The following NEK10 variants were observed in gnomAD, a reference collection of about 807,000 sequenced individuals.
The protein encoded by NEK10 is serine/threonine-protein kinase Nek10.
In NEK10, 122 loss-of-function variants were observed where a neutral mutation model predicts 159.8. The observed-to-expected ratio is 0.76, with a 90% CI of 0.66 to 0.89. NEK10 has a LOEUF of 0.89. Ranked by LOEUF, NEK10 falls within the 40% of genes least tolerant of loss-of-function variation. NEK10 has a pLI of 0.00. For synonymous variants in NEK10, 466 were observed against 457.1 expected (o/e 1.02, Z -0.25); for missense variants, 1,342 against 1,323.1 (o/e 1.01, Z -0.22).
rs1939292919 is a variant in NEK10 at position 27,109,365 on chromosome 3, TGA to T, written c.*1905_*1906del. ...TTGCACTCAAGCCTGGGCAACAGAG[TGA>T]GACTCTGTCTTAAAAAAAAAAAAAA... On this transcript the variant is annotated 3_prime_UTR_variant, in exon 36 of 36. Transcript: ENST00000691995. 7.8e-6 allele frequency among the ~76,000 whole-genome samples: 1 copy of T among 127,842 alleles called. No individual in the cohort carries two copies. The highest frequency in any genetic ancestry group is 3.0e-5 in the African/African-American group (1 of 33,792). The allele number at this position is 127,842 out of a possible 152,430, so 83.9% of individuals were successfully genotyped here. A position where few individuals can be genotyped will look rare whatever the true frequency, so the allele number is the denominator to read the frequency against.
intron 5 of NEK10, among the ~76,000 whole-genome samples, chr3:27,339,964 T>A (rs2047086373): frequency 6.6e-6 from 1 of 152,130 alleles, no homozygotes; most frequent in African/African-American, 2.4e-5. Context: ...TCCTCAAGGA[T>A]CTAGAACCAG....
intron 30 of NEK10, among the ~76,000 whole-genome samples, chr3:27,148,925 C>A (rs6797739): frequency 6.6e-6 from 1 of 151,814 alleles, no homozygotes; most frequent in Non-Finnish European, 1.5e-5. Flanking sequence ...AAACACATTA[C>A]CCTAAAATGA....
At position 27,342,099 on chromosome 3, in the gene NEK10, G is replaced by T. The variant is rs114737882; in HGVS notation, c.362+2173C>A. 3.7e-3 allele frequency among the ~76,000 whole-genome samples: 563 copies of T among 152,206 alleles called. 4 individuals are homozygous for T. Among genetic ancestry groups the T allele is most frequent in the African/African-American group, 0.013 (533 of 41,528 alleles). ...GTCCCCAGGGAGAAGAGGACCACAT[G>T]TCCTGTTAATTTTTTTAATTTCACC... On this transcript the variant is annotated intron_variant, in intron 5 of 35. Coordinates refer to ENST00000691995, the MANE Select transcript of NEK10 (RefSeq NM_001394966.1).
At position 27,138,943 on chromosome 3, in the gene NEK10, T is replaced by C. The variant is rs540362320; in HGVS notation, c.2970+2539A>G. Among the ~76,000 whole-genome samples the C allele has an allele frequency of 5.3e-5, 8 of 152,288 alleles. No individual in the cohort carries two copies. The South Asian group carries it at 8.3e-4, about 16-fold the overall frequency. On this transcript the variant is annotated intron_variant, in intron 31 of 35. Transcript: ENST00000691995. ...CACAGAATGGGTTCTTTTGAATGCA[T>C]TGGAGCACTTACAGAAAGAAAATGA...
At chr3:27,316,253 G>A (rs1280557810) in intron 6 of NEK10, among the ~76,000 whole-genome samples, 2 of 152,186 alleles carry the variant, frequency 1.3e-5, no homozygotes, top group Admixed American at 6.5e-5. Flanking sequence ...TGGGAGCTCA[G>A]GTGGGGGTCA....
At chr3:27,341,981 C>A (rs186641586) in intron 5 of NEK10, among the ~76,000 whole-genome samples, 113 of 151,984 alleles carry the variant, frequency 7.4e-4, no homozygotes, top group African/African-American at 2.7e-3. Flanking sequence ...CAATCTCATG[C>A]AGCCTTTAGT....
chr3:27,167,020 G>A (rs547046304), intron 29 of NEK10, among the ~76,000 whole-genome samples: 1 of 152,038 alleles, frequency 6.6e-6, no homozygotes, highest in Non-Finnish European at 1.5e-5. Context: ...ATACACTGAT[G>A]AATCAAAAAA....
At chr3:27,282,582 T>C (rs908545274) in intron 22 of NEK10, among the ~76,000 whole-genome samples, 81 of 59,740 alleles carry the variant, frequency 1.4e-3, no homozygotes, top group African/African-American at 3.5e-3. Flanking sequence ...TATATATATA[T>C]ACATAACTGT....
chr3:27,334,324 A>G (rs2046641604), intron 5 of NEK10, among the ~76,000 whole-genome samples: 1 of 152,158 alleles, frequency 6.6e-6, no homozygotes, highest in African/African-American at 2.4e-5. Flanking sequence ...AACTGCCACT[A>G]CCATCACTCA....
chr3:27,233,650 T>A lies in NEK10; in HGVS notation c.2090+22646A>T, dbSNP rs577874593. On this transcript the variant is annotated intron_variant, in intron 23 of 35. Transcript: ENST00000691995. ...GATATGAAACCAACCTAAGTGCCCA[T>A]CAACCAACAAGTGGATAAAGAAAAT... is the stretch of plus-strand genomic sequence containing the variant. Among the ~76,000 whole-genome samples, 158 of 151,914 alleles carry A rather than the reference T, an allele frequency of 1.0e-3. 1 individual carries two copies. The highest frequency in any genetic ancestry group is 3.1e-3 in the African/African-American group (130 of 41,502).
intron 29 of NEK10, among the ~76,000 whole-genome samples, chr3:27,167,166 TAA>T (rs1272754017): frequency 6.2e-5 from 9 of 144,394 alleles, no homozygotes; most frequent in African/African-American, 2.3e-4. Context: ...CAGGATCCTT[TAA>T]AAAAAAAAAA....
intron 23 of NEK10, among the ~76,000 whole-genome samples, chr3:27,206,078 C>G: frequency 6.6e-6 from 1 of 152,220 alleles, no homozygotes; most frequent in East Asian, 1.9e-4. Flanking sequence ...GGGCAGAGCC[C>G]TCATGACCTA....
At position 27,106,934 on chromosome 3, in the gene NEK10, T is replaced by C. The variant is rs916446732; in HGVS notation, c.*4338A>G. Among the ~76,000 whole-genome samples, 3 of 152,166 alleles carry C rather than the reference T, an allele frequency of 2.0e-5. No homozygotes were observed. The highest frequency in any genetic ancestry group is 2.9e-5 in the Non-Finnish European group (2 of 68,036). On this transcript the variant is annotated 3_prime_UTR_variant, in exon 36 of 36. Transcript: ENST00000691995. The stretch of plus-strand genomic sequence containing the variant: ...GTCACGTACTTCTGTTATCGCTAAA[T>C]ACAGTAGCTGGGGCCAGTGCACATC...
intron 23 of NEK10, among the ~76,000 whole-genome samples, chr3:27,222,493 A>T (rs1428450189): frequency 6.6e-6 from 1 of 152,260 alleles, no homozygotes; most frequent in Non-Finnish European, 1.5e-5. Flanking sequence ...TTCATAATAC[A>T]AAAGAATGAA....
intron 23 of NEK10, among the ~76,000 whole-genome samples, chr3:27,243,833 GTGTGTGTGTGTGTGT>G (rs1954801805): frequency 3.8e-5 from 1 of 26,256 alleles, no homozygotes; most frequent in Non-Finnish European, 6.4e-5. Context: ...CACCATGGGT[GTGTGTGTGTGTGTGT>G]GTGTGTGTGT....
At chr3:27,278,759 G>C (rs2041944404) in intron 22 of NEK10, 1 of 985,142 alleles carries the variant, frequency 1.0e-6, no homozygotes, top group Non-Finnish European at 1.2e-6. Context: ...TTTTTGAAAA[G>C]GTCAAGAAAT....
chr3:27,190,699 T>C (rs1003395035), intron 26 of NEK10, among the ~76,000 whole-genome samples: 8 of 152,176 alleles, frequency 5.3e-5, no homozygotes, highest in African/African-American at 1.2e-4. Flanking sequence ...AACTTAATAA[T>C]AGAAGGCCCC....
intron 23 of NEK10, among the ~76,000 whole-genome samples, chr3:27,210,699 T>C (rs7629551): frequency 0.24 from 35,817 of 152,138 alleles, 4,535 homozygotes; most frequent in Middle Eastern, 0.38. Flanking sequence ...GTGCAAGTAA[T>C]AATTTCTATA....
chr3:27,311,101 G>A, intron 8 of NEK10, 85 bp from the exon 9 acceptor site: 1 of 815,432 alleles, frequency 1.2e-6, no homozygotes, highest in Non-Finnish European at 2.1e-6. Context: ...AGTGCATATG[G>A]GCAGGCAGAG....
Sources: gnomAD v4.1 joint callset for allele counts (sites outside exome capture counted in the v4.1 genomes callset) on GRCh38, gnomAD v4.1.1 for gene constraint, MANE v1.5 for transcripts, NCBI Gene and HGNC (gene_info 2026-07-23, HGNC 2026-07-21) for gene names.